The following PRKN variants were observed in gnomAD, a reference collection of about 807,000 sequenced individuals.
PRKN encodes the protein E3 ubiquitin-protein ligase parkin.
In PRKN, 56 loss-of-function variants were observed where a neutral mutation model predicts 59.5. The ratio of observed to expected loss-of-function variants is 0.94; its 90% CI spans 0.76 to 1.18. PRKN has a LOEUF of 1.18. PRKN is among the 50% of genes most tolerant of loss of function. The pLI, the probability that PRKN is intolerant of heterozygous loss-of-function variation, is 0.00. For missense variants in PRKN, 657 were observed against 596.4 expected (o/e 1.10, Z -1.06); for synonymous variants, 250 against 222.1 (o/e 1.13, Z -1.12).
intron 9 of PRKN, among the ~76,000 whole-genome samples, chr6:161,476,818 T>C (rs369724396): frequency 1.3e-5 from 2 of 152,222 alleles, no homozygotes; most frequent in African/African-American, 4.8e-5. Context: ...AATGAGACTG[T>C]GCTTTGCTGT....
intron 4 of PRKN, among the ~76,000 whole-genome samples, chr6:162,107,132 A>G (rs187516560): frequency 6.6e-6 from 1 of 152,324 alleles, no homozygotes; most frequent in Non-Finnish European, 1.5e-5. Context: ...CCCATCAGGT[A>G]CAACTCTTGA....
At chr6:161,916,801 T>A (rs1166812700) in intron 6 of PRKN, among the ~76,000 whole-genome samples, 1 of 152,212 alleles carries the variant, frequency 6.6e-6, no homozygotes. Flanking sequence ...TTTTTCTTTT[T>A]CTTTTTCTTT....
At chr6:162,612,483 G>A (rs529781704) in intron 1 of PRKN, among the ~76,000 whole-genome samples, 51 of 150,682 alleles carry the variant, frequency 3.4e-4, no homozygotes, top group African/African-American at 1.1e-3. Context: ...GATTTCTCTC[G>A]ACAAGTTAAG....
intron 7 of PRKN, among the ~76,000 whole-genome samples, chr6:161,693,723 C>T (rs1353986030): frequency 6.6e-6 from 1 of 152,162 alleles, no homozygotes; most frequent in Admixed American, 6.5e-5. Flanking sequence ...AGGTTTTCTA[C>T]CCCAGATGTA....
chr6:162,114,689 T>C (rs1455174132), intron 4 of PRKN, among the ~76,000 whole-genome samples: 2 of 148,520 alleles, frequency 1.3e-5, no homozygotes, highest in African/African-American at 5.1e-5. Flanking sequence ...GCGAAGGACA[T>C]GAACAGACAC....
intron 1 of PRKN, among the ~76,000 whole-genome samples, chr6:162,463,485 C>T (rs1318199916): frequency 6.6e-6 from 1 of 152,166 alleles, no homozygotes; most frequent in Non-Finnish European, 1.5e-5. Flanking sequence ...GTGTCTTCCT[C>T]TGGATCAAAG....
At chr6:161,663,971 C>T (rs1341500584) in intron 7 of PRKN, among the ~76,000 whole-genome samples, 1 of 152,192 alleles carries the variant, frequency 6.6e-6, no homozygotes, top group Non-Finnish European at 1.5e-5. Context: ...CAAAACAGTG[C>T]TCCCGGGAGC....
chr6:161,734,431 A>T (rs1156238204), intron 7 of PRKN, among the ~76,000 whole-genome samples: 1 of 152,178 alleles, frequency 6.6e-6, no homozygotes, highest in Non-Finnish European at 1.5e-5. Flanking sequence ...TGAGATTAGT[A>T]TTGTGTGGAG....
chr6:162,228,678 A>C (rs1778291232), intron 3 of PRKN, among the ~76,000 whole-genome samples: 1 of 152,192 alleles, frequency 6.6e-6, no homozygotes, highest in Admixed American at 6.5e-5. Context: ...TTCAAAGCTT[A>C]TTAAAAATCT....
At chr6:161,870,592 T>C (rs1045751800) in intron 6 of PRKN, among the ~76,000 whole-genome samples, 2 of 152,218 alleles carry the variant, frequency 1.3e-5, no homozygotes, top group African/African-American at 4.8e-5. Flanking sequence ...AAATTTTTAA[T>C]GTTTCATGAT....
chr6:161,381,823 A>T (rs528854927), intron 10 of PRKN, among the ~76,000 whole-genome samples: 1 of 152,216 alleles, frequency 6.6e-6, no homozygotes, highest in South Asian at 2.1e-4. Flanking sequence ...CAAAGCCCAG[A>T]CTTTTTAGGC....
intron 4 of PRKN, among the ~76,000 whole-genome samples, chr6:162,055,057 G>A (rs9456736): frequency 0.36 from 55,426 of 152,024 alleles, 10,986 homozygotes; most frequent in Admixed American, 0.47. Flanking sequence ...AACTACTCAG[G>A]AGGCCAAGGT....
intron 6 of PRKN, among the ~76,000 whole-genome samples, chr6:161,940,793 G>A (rs1779535431): frequency 6.6e-6 from 1 of 152,168 alleles, no homozygotes; most frequent in African/African-American, 2.4e-5. Context: ...GCTCCCTGCA[G>A]GCGCACAATC....
At chr6:161,958,570 T>G (rs1316610838) in intron 6 of PRKN, among the ~76,000 whole-genome samples, 1 of 152,134 alleles carries the variant, frequency 6.6e-6, no homozygotes, top group Non-Finnish European at 1.5e-5. Context: ...ATATGATACC[T>G]GAATTTTATG....
chr6:162,208,690 C>T (rs1437189660), intron 3 of PRKN, among the ~76,000 whole-genome samples: 2 of 152,014 alleles, frequency 1.3e-5, no homozygotes, highest in African/African-American at 2.4e-5. Flanking sequence ...TGGATACGGG[C>T]CAGGAAATGG....
chr6:161,354,676 T>C lies in PRKN; in HGVS notation c.1286-4465A>G, dbSNP rs1056283159. ...AGGGCATTCCTGAAACACAGCTGAG[T>C]ATGTAACAGGCCACGAACCTTGGTG... On this transcript the variant is annotated intron_variant, in intron 11 of 11. Coordinates refer to ENST00000366898, the MANE Select transcript of PRKN (RefSeq NM_004562.3). This position sits in a 1 kb window ranked among gnomAD's most constrained non-coding sequence, Gnocchi z 6.7. Among the ~76,000 whole-genome samples the C allele has an allele frequency of 2.0e-5, 3 of 152,160 alleles. No individual in the cohort carries two copies. Among genetic ancestry groups the C allele is most frequent in the South Asian group, 2.1e-4 (1 of 4,826 alleles).
intron 1 of PRKN, among the ~76,000 whole-genome samples, chr6:162,619,301 C>G (rs1486890851): frequency 8.2e-6 from 1 of 122,334 alleles, no homozygotes; most frequent in Non-Finnish European, 1.7e-5. Flanking sequence ...CACCACCACA[C>G]CCGGCTAATT....
rs143260215 is a variant in PRKN, at chr6:161,457,131, G to A, written c.1084-70254C>T. ...CTTCCAGACCGCTTGGTTCTTTGGAGTCCAGGAGTTCTCCACTCGGTACAC... is the reference window on the plus strand; with the variant it reads ...CTTCCAGACCGCTTGGTTCTTTGGAATCCAGGAGTTCTCCACTCGGTACAC... On this transcript the variant is annotated intron_variant, in intron 9 of 11. Coordinates refer to ENST00000366898, the MANE Select transcript of PRKN (RefSeq NM_004562.3). This position sits in a 1 kb window ranked among gnomAD's most constrained non-coding sequence, Gnocchi z 5.0. Among the ~76,000 whole-genome samples the A allele has an allele frequency of 2.6e-3, 394 of 152,346 alleles. 1 individual carries two copies. Among genetic ancestry groups the A allele is most frequent in the African/African-American group, 8.9e-3 (370 of 41,584 alleles).
At chr6:162,645,235 A>C (rs1008619884) in intron 1 of PRKN, among the ~76,000 whole-genome samples, 1 of 152,214 alleles carries the variant, frequency 6.6e-6, no homozygotes, top group African/African-American at 2.4e-5. Flanking sequence ...GATTCTTTAC[A>C]GGAAATTACA....
Sources: allele counts gnomAD v4.1 joint callset (sites outside exome capture counted in the v4.1 genomes callset), GRCh38; gene constraint gnomAD v4.1.1; non-coding constraint Gnocchi (gnomAD v3.1); transcripts MANE v1.5; gene names NCBI Gene and HGNC (gene_info 2026-07-23, HGNC 2026-07-21).